Variants in DGKB observed in about 807,000 individuals in gnomAD.
DGKB encodes the protein 90 kDa diacylglycerol kinase.
In DGKB, 67 loss-of-function variants were observed where a neutral mutation model predicts 114.3. That is an observed-to-expected ratio of 0.59 (90% CI 0.48 to 0.72). DGKB has a LOEUF of 0.72. Among genes scored for constraint, DGKB ranks in the 30% least tolerant of loss-of-function variants. The pLI, the probability that DGKB is intolerant of heterozygous loss-of-function variation, is 0.00. For synonymous variants in DGKB, 398 were observed against 323.1 expected, an observed-to-expected ratio of 1.23 and a Z score of -2.49; for missense variants, 907 against 975.2, an observed-to-expected ratio of 0.93 and a Z score of 0.93.
chr7:14,356,552 G>A (rs1239174594), intron 21 of DGKB, among the ~76,000 whole-genome samples: 1 of 151,588 alleles, frequency 6.6e-6, no homozygotes, highest in Admixed American at 6.6e-5. Flanking sequence ...TAGTAGAGAT[G>A]GGTTTCATTG....
chr7:14,949,556 A>T (rs1430722771), intron 1 of DGKB, among the ~76,000 whole-genome samples: 1 of 152,000 alleles, frequency 6.6e-6, no homozygotes, highest in Non-Finnish European at 1.5e-5. Context: ...CAGAAGTAAT[A>T]AGAGTGGAGG....
At chr7:14,277,013 AATATAAG>A in intron 23 of DGKB, among the ~76,000 whole-genome samples, 1 of 152,202 alleles carries the variant, frequency 6.6e-6, no homozygotes, top group African/African-American at 2.4e-5. Context: ...CTTATTTTAA[AATATAAG>A]ATATATTATT....
chr7:14,807,426 A>G (rs1842911245), intron 2 of DGKB, among the ~76,000 whole-genome samples: 1 of 152,038 alleles, frequency 6.6e-6, no homozygotes, highest in Non-Finnish European at 1.5e-5. Context: ...TCATTAGATA[A>G]TTTTTTGTAT....
At chr7:14,304,353 A>AT (rs925369295) in intron 23 of DGKB, among the ~76,000 whole-genome samples, 7 of 151,964 alleles carry the variant, frequency 4.6e-5, no homozygotes, top group South Asian at 4.1e-4. Context: ...TGTTTTATAG[A>AT]TTTTTTTATT....
At chr7:14,926,794 C>T (rs1315716813) in intron 1 of DGKB, among the ~76,000 whole-genome samples, 2 of 151,712 alleles carry the variant, frequency 1.3e-5, no homozygotes, top group Non-Finnish European at 2.9e-5. Context: ...GTTGGTAGTG[C>T]CTGCTTTCTT....
At chr7:14,905,331 T>A (rs1783639638), upstream of DGKB, among the ~76,000 whole-genome samples, 1 of 151,534 alleles carries the variant, frequency 6.6e-6, no homozygotes, top group African/African-American at 2.4e-5. Context: ...CAAGGTTTGG[T>A]AATGGAGGAA....
chr7:14,389,447 T>C (rs1394719063), intron 21 of DGKB, among the ~76,000 whole-genome samples: 1 of 152,206 alleles, frequency 6.6e-6, no homozygotes, highest in Non-Finnish European at 1.5e-5. Flanking sequence ...ATTATAGTCC[T>C]GACAGGGCTC....
At chr7:14,837,277 T>G (rs771500603) in intron 2 of DGKB, among the ~76,000 whole-genome samples, 1 of 152,190 alleles carries the variant, frequency 6.6e-6, no homozygotes, top group Non-Finnish European at 1.5e-5. Context: ...AAGAAAAGCC[T>G]AGCATTTAGG....
At chr7:14,589,992 G>A (rs1563609008) in intron 17 of DGKB, among the ~76,000 whole-genome samples, 1 of 146,274 alleles carries the variant, frequency 6.8e-6, no homozygotes, top group Non-Finnish European at 1.5e-5. Flanking sequence ...GGTAGCACTT[G>A]CATATAAAAC....
chr7:14,534,185 G>T (rs924989103), intron 20 of DGKB, among the ~76,000 whole-genome samples: 1 of 151,944 alleles, frequency 6.6e-6, no homozygotes, highest in Non-Finnish European at 1.5e-5. Flanking sequence ...GAGAATAAAA[G>T]TATAGAGGGC....
intron 1 of DGKB, among the ~76,000 whole-genome samples, chr7:14,846,308 C>T (rs1586880661): frequency 1.3e-5 from 2 of 152,106 alleles, no homozygotes; most frequent in Non-Finnish European, 1.5e-5. Context: ...TCTCATAATT[C>T]TCATAGTTCT....
chr7:14,961,186 A>C (rs1267925893), intron 1 of DGKB, among the ~76,000 whole-genome samples: 1 of 152,132 alleles, frequency 6.6e-6, no homozygotes, highest in Non-Finnish European at 1.5e-5. Flanking sequence ...ACATATTTTG[A>C]AAATATTTGC....
chr7:14,501,040 T>C (rs1786088921), intron 20 of DGKB, among the ~76,000 whole-genome samples: 2 of 151,674 alleles, frequency 1.3e-5, no homozygotes, highest in African/African-American at 2.4e-5. Flanking sequence ...GCTTGATGAG[T>C]TTGAGGATAA....
chr7:14,855,872 T>C (rs1850069570), intron 1 of DGKB, among the ~76,000 whole-genome samples: 1 of 152,034 alleles, frequency 6.6e-6, no homozygotes, highest in Non-Finnish European at 1.5e-5. Context: ...TTATCATAAA[T>C]AATAGAAACA....
chr7:14,296,022 C>CA (rs1802490454), intron 23 of DGKB, among the ~76,000 whole-genome samples: 1 of 145,616 alleles, frequency 6.9e-6, no homozygotes, highest in South Asian at 2.2e-4. Flanking sequence ...CATGTCCCTG[C>CA]AAAGGTCATG....
chr7:14,411,180 G>T (rs1231642721), intron 21 of DGKB, among the ~76,000 whole-genome samples: 1 of 152,142 alleles, frequency 6.6e-6, no homozygotes, highest in Non-Finnish European at 1.5e-5. Context: ...AATAAGCTTT[G>T]TGTTCGATGA....
At chr7:14,754,121 T>C (rs922754068) in intron 3 of DGKB, among the ~76,000 whole-genome samples, 173 bp from the exon 4 acceptor site, 1 of 152,070 alleles carries the variant, frequency 6.6e-6, no homozygotes, top group African/African-American at 2.4e-5. Context: ...TCAGCATAAG[T>C]TAGAAAACTG....
At chr7:14,703,012 T>C (rs1417283780) in intron 6 of DGKB, among the ~76,000 whole-genome samples, 1 of 151,702 alleles carries the variant, frequency 6.6e-6, no homozygotes, top group Non-Finnish European at 1.5e-5. Context: ...AAGACTTAAA[T>C]ATCTGTATTG....
At chr7:14,327,161 G>A (rs2128550253) in intron 23 of DGKB, among the ~76,000 whole-genome samples, 1 of 152,148 alleles carries the variant, frequency 6.6e-6, no homozygotes, top group South Asian at 2.1e-4. Context: ...ACCATAAACA[G>A]CACATTCATT....
Sources: allele counts gnomAD v4.1 joint callset (sites outside exome capture counted in the v4.1 genomes callset), GRCh38; gene constraint gnomAD v4.1.1; transcripts MANE v1.5; gene names NCBI Gene and HGNC (gene_info 2026-07-23, HGNC 2026-07-21).